Variants in NUAK1 observed in about 807,000 individuals in gnomAD.
NUAK1 encodes NUAK family SNF1-like kinase 1.
Under a neutral mutation model 56.9 loss-of-function variants are expected in NUAK1, and 26 were observed. That is an observed-to-expected ratio of 0.46 (90% CI 0.33 to 0.63). The LOEUF (loss-of-function observed/expected upper bound fraction) is 0.63. Ranked by LOEUF, NUAK1 falls within the 30% of genes least tolerant of loss-of-function variation. NUAK1 has a pLI of 0.02. For missense variants in NUAK1, 727 were observed against 876.1 expected, an observed-to-expected ratio of 0.83 and a Z score of 2.15; for synonymous variants, 337 against 336.0, an observed-to-expected ratio of 1.00 and a Z score of -0.03.
intron 6 of NUAK1, among the ~76,000 whole-genome samples, chr12:106,069,540 G>A (rs533219484): frequency 6.6e-6 from 1 of 152,232 alleles, no homozygotes; most frequent in East Asian, 1.9e-4. Flanking sequence ...AGTGCTGTTG[G>A]CTGTTGAGTT....
Position 106,072,835 on chromosome 12 carries a change from G to A in NUAK1, c.588C>T (p.Asp196=), listed in dbSNP as rs1481407462. Residue 196 remains aspartate (D), a synonymous_variant, in exon 5 of 7, where the codon GAC becomes GAT. Coordinates refer to ENST00000261402, the MANE Select transcript of NUAK1 (RefSeq NM_014840.3). ...TCTGGTACAGGTTGGAAAGCCCAAAGTCAGCAATCTACAAAGAGAAGCAAG... is the reference window on the plus strand; with the variant it reads ...TCTGGTACAGGTTGGAAAGCCCAAAATCAGCAATCTACAAAGAGAAGCAAG... ...LDDNCNIKIA[D]FGLSNLYQKD... 1.2e-6 allele frequency: 2 copies of A among 1,613,876 alleles called. No individual in the cohort carries two copies. The highest frequency in any genetic ancestry group is 2.7e-5 in the African/African-American group (2 of 74,908).
In NUAK1 at chr12:106,126,830, G is replaced by A. The variant is rs536982940; in HGVS notation, c.240+11584C>T. On this transcript the variant is annotated intron_variant, in intron 1 of 6. Coordinates refer to ENST00000261402, the MANE Select transcript of NUAK1 (RefSeq NM_014840.3). ...GTGCCCAATCACTGCTAAAGCCTTG[G>A]GAAGAATAAGTGGTGTCCACAGGGA... is the stretch of plus-strand genomic sequence containing the variant. Among the ~76,000 whole-genome samples the A allele has an allele frequency of 2.0e-5, 3 of 152,262 alleles. No individual in the cohort carries two copies. The East Asian group carries it at 5.8e-4, about 29-fold the overall frequency.
At chr12:106,091,300 T>C in intron 2 of NUAK1, among the ~76,000 whole-genome samples, 1 of 152,170 alleles carries the variant, frequency 6.6e-6, no homozygotes, top group South Asian at 2.1e-4. Flanking sequence ...GCCCTTGACA[T>C]GCCAGGCCTA....
At chr12:106,105,294 G>T (rs2032790052) in intron 2 of NUAK1, among the ~76,000 whole-genome samples, 1 of 152,056 alleles carries the variant, frequency 6.6e-6, no homozygotes, top group Admixed American at 6.5e-5. Context: ...ATATTCTAGG[G>T]AAACACTCTG....
intron 1 of NUAK1, among the ~76,000 whole-genome samples, chr12:106,129,863 C>T (rs1019418704): frequency 6.6e-5 from 10 of 152,164 alleles, no homozygotes; most frequent in Non-Finnish European, 1.2e-4. Context: ...TAAACAGAAG[C>T]CAGAGAAAAT....
chr12:106,101,038 C>T (rs1296329477), intron 2 of NUAK1, among the ~76,000 whole-genome samples: 3 of 152,202 alleles, frequency 2.0e-5, no homozygotes, highest in Non-Finnish European at 1.5e-5. Flanking sequence ...GTCGACCAAC[C>T]GGCTTCCAGA....
chr12:106,096,098 A>G (rs772587229), intron 2 of NUAK1, among the ~76,000 whole-genome samples: 8 of 152,134 alleles, frequency 5.3e-5, no homozygotes, highest in Non-Finnish European at 1.0e-4. Context: ...TGCCTGCGCA[A>G]ATTAAGAAAG....
rs540468112 is a variant in NUAK1 at position 106,066,776 on chromosome 12, C to G, written c.*26G>C. The G allele has an allele frequency of 6.4e-7, 1 of 1,573,568 alleles. No homozygotes were observed. Among genetic ancestry groups the G allele is most frequent in the Non-Finnish European group, 8.7e-7 (1 of 1,154,580 alleles). On this transcript the variant is annotated 3_prime_UTR_variant, in exon 7 of 7. Coordinates refer to ENST00000261402, the MANE Select transcript of NUAK1 (RefSeq NM_014840.3). ...TGCTCCCCTTCCTCCCTCGTACCCC[C>G]GCCCGCCCCTGGGCGCCCTGGAATG...
At chr12:106,088,910 C>T (rs1171108859) in intron 2 of NUAK1, among the ~76,000 whole-genome samples, 1 of 152,166 alleles carries the variant, frequency 6.6e-6, no homozygotes, top group Non-Finnish European at 1.5e-5. Context: ...TCCTTCAAGT[C>T]CAGCCAAACC....
At position 106,065,802 on chromosome 12, in the gene NUAK1, T is replaced by C. The variant is rs897174649; in HGVS notation, c.*1000A>G. ...TTCCAGTTAATATTGAGAAAGAAAG[T>C]GACAAGTTGCCTCTTGTTGGTGTGC... On this transcript the variant is annotated 3_prime_UTR_variant, in exon 7 of 7. Transcript: ENST00000261402. 1.3e-5 allele frequency: 2 copies of C among 152,668 alleles called. No individual in the cohort carries two copies. The highest frequency in any genetic ancestry group is 4.8e-5 in the African/African-American group (2 of 41,460). The allele number at this position is 152,668 out of a possible 1,614,324, so 9.5% of individuals were successfully genotyped here. A position where few individuals can be genotyped will look rare whatever the true frequency, so the allele number is the denominator to read the frequency against.
At chr12:106,126,224 T>G (rs1369308797) in intron 1 of NUAK1, among the ~76,000 whole-genome samples, 1 of 152,202 alleles carries the variant, frequency 6.6e-6, no homozygotes, top group African/African-American at 2.4e-5. Context: ...ATGCACATTC[T>G]AGAATCAAGA....
At chr12:106,092,266 C>T (rs1175480217) in intron 2 of NUAK1, among the ~76,000 whole-genome samples, 6 of 152,084 alleles carry the variant, frequency 3.9e-5, no homozygotes, top group African/African-American at 1.4e-4. Context: ...TGCCTGTAAT[C>T]CCAGCACTTT....
intron 2 of NUAK1, among the ~76,000 whole-genome samples, chr12:106,092,284 C>A (rs1056356777): frequency 1.3e-5 from 2 of 151,974 alleles, no homozygotes; most frequent in Non-Finnish European, 2.9e-5. Flanking sequence ...TTTGGGAGGC[C>A]GAGGCGGGTG....
rs1009647645 is a variant in NUAK1, at chr12:106,112,581, G to A, written c.241-6056C>T. 5.9e-5 allele frequency among the ~76,000 whole-genome samples: 9 copies of A among 152,304 alleles called. No individual in the cohort carries two copies. The East Asian group carries it at 1.4e-3, about 23-fold the overall frequency. ...ATGACCCCGGGCTCTTTATGGAGGG[G>A]CCTGGCCAACTCAGAACAACACCCC... is the stretch of plus-strand genomic sequence containing the variant. On this transcript the variant is annotated intron_variant, in intron 1 of 6. Transcript: ENST00000261402.
Sources: gnomAD v4.1 joint callset for allele counts (sites outside exome capture counted in the v4.1 genomes callset) on GRCh38, gnomAD v4.1.1 for gene constraint, MANE v1.5 for transcripts, NCBI Gene and HGNC (gene_info 2026-07-23, HGNC 2026-07-21) for gene names.